The following VCAM1 variants were observed in gnomAD, a reference collection of about 807,000 sequenced individuals.
The protein encoded by VCAM1 is vascular cell adhesion protein 1.
In VCAM1, 41 loss-of-function variants were observed where a neutral mutation model predicts 63.8. The observed-to-expected ratio is 0.64, with a 90% CI of 0.50 to 0.83. The LOEUF is 0.83. VCAM1 is among the 40% of genes least tolerant of loss of function. The probability of loss-of-function intolerance (pLI) is 0.00; values close to 1 mark genes in which losing one functional copy is unlikely to be tolerated. For synonymous variants in VCAM1, 338 were observed against 320.7 expected, an observed-to-expected ratio of 1.05 and a Z score of -0.58; for missense variants, 798 against 875.5, an observed-to-expected ratio of 0.91 and a Z score of 1.12.
rs1036511147 is a variant in VCAM1 at position 100,731,577 on chromosome 1, G to A, written c.1525+59G>A. ...ACCTGTCTCTTTATCGTGTTTGCCAGGCAATAGTTAACATAAGGTTAATCG... is the reference window on the plus strand; with the variant it reads ...ACCTGTCTCTTTATCGTGTTTGCCAAGCAATAGTTAACATAAGGTTAATCG... On this transcript the variant is annotated intron_variant, in intron 6 of 8. Transcript: ENST00000294728. The surrounding 1 kb of genome is among the most constrained non-coding windows in gnomAD (Gnocchi z 4.2). The A allele has an allele frequency of 5.4e-6, 8 of 1,472,872 alleles. No homozygotes were observed. The highest frequency in any genetic ancestry group is 3.6e-4 in the Middle Eastern group (2 of 5,614). 91.2% of individuals were successfully genotyped at this position (1,472,872 alleles called of 1,614,324 possible). A position where few individuals can be genotyped will look rare whatever the true frequency, so the allele number is the denominator to read the frequency against.
intron 5 of VCAM1, among the ~76,000 whole-genome samples, chr1:100,729,845 TAAG>T (rs1660369012): frequency 6.6e-6 from 1 of 152,096 alleles, no homozygotes; most frequent in African/African-American, 2.4e-5. Context: ...AAATTAAAGA[TAAG>T]AAGTTAGATT....
chr1:100,734,182 C>T (rs568126414), intron 7 of VCAM1, among the ~76,000 whole-genome samples: 4 of 152,258 alleles, frequency 2.6e-5, no homozygotes, highest in Admixed American at 1.3e-4. Flanking sequence ...TCCCTCAAAA[C>T]GTGAGGATTA....
chr1:100,719,828 A>G lies in VCAM1; in HGVS notation c.-33A>G, dbSNP rs1265959829. 3 of 1,607,294 alleles carry G rather than the reference A, an allele frequency of 1.9e-6. No homozygotes were observed. Among genetic ancestry groups the G allele is most frequent in the Non-Finnish European group, 2.6e-6 (3 of 1,175,410 alleles). On this transcript the variant is annotated 5_prime_UTR_variant, in exon 1 of 9. Transcript: ENST00000294728. The stretch of plus-strand genomic sequence containing the variant: ...GTGGGACACAAATAAGGGTTTTGGA[A>G]CCACTATTTTCTCATCACGACAGCA...
chr1:100,735,393 A>AT (rs1260080122), intron 8 of VCAM1: 1 of 152,612 alleles, frequency 6.6e-6, no homozygotes, highest in African/African-American at 2.4e-5. Flanking sequence ...CCTCTTGTGA[A>AT]TGCACAGTAG....
chr1:100,734,696 G>A lies in VCAM1; in HGVS notation c.1987G>A (p.Ala663Thr), dbSNP rs760338030. ...YTIRKAQLKDAGVYECESKNK... is the reference protein window; with the variant it reads ...YTIRKAQLKDTGVYECESKNK... ...CATCCGAAAGGCCCAGTTGAAGGAT[G>A]CGGGAGTATATGAATGTGAATCTAA... The change falls in exon 8 of 9, where the codon GCG becomes ACG. Residue 663 changes from alanine (A) to threonine (T), a missense_variant. Physicochemically the swap from Ala to Thr is moderately conservative, Grantham distance 58. Transcript: ENST00000294728. The A allele has an allele frequency of 1.2e-6, 2 of 1,614,008 alleles. No homozygotes were observed. The highest frequency in any genetic ancestry group is 1.7e-6 in the Non-Finnish European group (2 of 1,179,904).
At chr1:100,721,764 G>A (rs1043296996) in intron 2 of VCAM1, among the ~76,000 whole-genome samples, 4 of 151,994 alleles carry the variant, frequency 2.6e-5, no homozygotes, top group African/African-American at 9.7e-5. Flanking sequence ...AGCCTCCCGA[G>A]CTCCTTGAAA....
intron 2 of VCAM1, among the ~76,000 whole-genome samples, chr1:100,721,321 T>G (rs551358115): frequency 6.6e-6 from 1 of 152,186 alleles, no homozygotes; most frequent in East Asian, 1.9e-4. Flanking sequence ...TTGGTTTTTT[T>G]GGTGCCATGA....
At chr1:100,723,471 C>T in intron 3 of VCAM1, 131 bp downstream of exon 3, 1 of 932,784 alleles carries the variant, frequency 1.1e-6, no homozygotes. Flanking sequence ...TATTCATTCA[C>T]AACATAATGT....
intron 8 of VCAM1, chr1:100,737,912 T>C (rs1398791673): frequency 2.2e-6 from 1 of 452,494 alleles, no homozygotes; most frequent in Non-Finnish European, 3.9e-6. Flanking sequence ...AACTATCATC[T>C]TTAGATCCAT....
At chr1:100,735,577 A>T (rs2100835827) in intron 8 of VCAM1, 1 of 152,330 alleles carries the variant, frequency 6.6e-6, no homozygotes, top group African/African-American at 2.4e-5. Context: ...GCACTTGGCT[A>T]TTGGAGTGAG....
chr1:100,725,266 T>C (rs1199163579), intron 4 of VCAM1, among the ~76,000 whole-genome samples: 1 of 151,984 alleles, frequency 6.6e-6, no homozygotes, highest in Non-Finnish European at 1.5e-5. Context: ...CCCAAATTCA[T>C]GTTCCAATTC....
intron 4 of VCAM1, among the ~76,000 whole-genome samples, chr1:100,728,392 G>C (rs931216071): frequency 6.6e-6 from 1 of 152,036 alleles, no homozygotes; most frequent in African/African-American, 2.4e-5. Context: ...CTTGTCCACT[G>C]TGGGCATTAT....
chr1:100,734,045 G>A (rs928455061), intron 7 of VCAM1, among the ~76,000 whole-genome samples: 1 of 152,146 alleles, frequency 6.6e-6, no homozygotes, highest in Non-Finnish European at 1.5e-5. Flanking sequence ...TAACATGGCG[G>A]CAGGCAAGAG....
chr1:100,720,324 C>T, intron 1 of VCAM1, 152 bp from the exon 2 acceptor site: 1 of 1,052,440 alleles, frequency 9.5e-7, no homozygotes. Context: ...TTGGCAGTGA[C>T]TTCGGTGCTT....
chr1:100,724,542 A>C lies in VCAM1; in HGVS notation c.662-82A>C, dbSNP rs3176865. On this transcript the variant is annotated intron_variant, in intron 3 of 8. Coordinates refer to ENST00000294728, the MANE Select transcript of VCAM1 (RefSeq NM_001078.4). ...AATTTCATCAAATTGGTGGAAGCACATAAATACTAAGAGAAATACATTACC... is the reference window on the plus strand; with the variant it reads ...AATTTCATCAAATTGGTGGAAGCACCTAAATACTAAGAGAAATACATTACC... 4.4e-5 allele frequency: 66 copies of C among 1,498,140 alleles called. No homozygotes were observed. In the African/African-American group the frequency reaches 8.0e-4, roughly 18 times the overall value. 92.8% of individuals were successfully genotyped at this position (1,498,140 alleles called of 1,614,324 possible).
chr1:100,733,352 T>C (rs1443042523), intron 7 of VCAM1, among the ~76,000 whole-genome samples: 1 of 152,192 alleles, frequency 6.6e-6, no homozygotes, highest in African/African-American at 2.4e-5. Context: ...CTTTTGGGTA[T>C]CAGGGTTCTT....
intron 8 of VCAM1, 72 bp from the exon 9 acceptor site, chr1:100,738,051 C>A: frequency 6.7e-7 from 1 of 1,502,562 alleles, no homozygotes; most frequent in Non-Finnish European, 9.1e-7. Context: ...TTATAATAAA[C>A]ATGTAACTGT....
chr1:100,729,408 TG>T, intron 5 of VCAM1, 26 bp downstream of exon 5: 2 of 1,444,916 alleles, frequency 1.4e-6, no homozygotes, highest in Non-Finnish European at 1.8e-6. Context: ...AATTGTTTAC[TG>T]TTTTTTTTTT....
rs145982655 is a variant in VCAM1 at position 100,721,997 on chromosome 1, C to T, written c.341-1023C>T. The stretch of plus-strand genomic sequence containing the variant: ...AAGATTTAAGAAAGAGAAATGAAGA[C>T]GCTTCTGGTTTTAATTATCTTGCCT... On this transcript the variant is annotated intron_variant, in intron 2 of 8. Transcript: ENST00000294728. Among the ~76,000 whole-genome samples, 102 of 152,162 alleles carry T rather than the reference C, an allele frequency of 6.7e-4. 1 individual carries two copies. The highest frequency in any genetic ancestry group is 2.4e-3 in the African/African-American group (99 of 41,538).
Sources: allele counts gnomAD v4.1 joint callset (sites outside exome capture counted in the v4.1 genomes callset), GRCh38; gene constraint gnomAD v4.1.1; non-coding constraint Gnocchi (gnomAD v3.1); transcripts MANE v1.5; gene names NCBI Gene and HGNC (gene_info 2026-07-23, HGNC 2026-07-21).